The following SAMMSON variants were observed in gnomAD, a reference collection of about 807,000 sequenced individuals.
The protein encoded by SAMMSON is long intergenic non-protein coding RNA 1212.
chr3:70,166,358 A>G (rs1480635013), intron 4 of SAMMSON, among the ~76,000 whole-genome samples: 1 of 152,042 alleles, frequency 6.6e-6, no homozygotes, highest in African/African-American at 2.4e-5. Context: ...TCTAGGTTGA[A>G]GAATTGCTTC....
rs2106742732 is a variant in SAMMSON at position 70,228,824 on chromosome 3, C to G, written n.508-20283C>G. ...TATTAAGATGGATAGCTGGGTTATA[C>G]CTCAAAATTCCTTAATTCCTTTAGC... is the stretch of plus-strand genomic sequence containing the variant. On this transcript the variant is annotated intron_variant and non_coding_transcript_variant, in intron 4 of 9. Transcript: ENST00000642114. Among the ~76,000 whole-genome samples the G allele has an allele frequency of 1.3e-5, 2 of 151,754 alleles. 1 individual carries two copies. Among genetic ancestry groups the G allele is most frequent in the South Asian group, 4.2e-4 (2 of 4,812 alleles).
chr3:70,290,172 T>G (rs1193732931), intron 6 of SAMMSON, among the ~76,000 whole-genome samples: 3 of 152,200 alleles, frequency 2.0e-5, no homozygotes, highest in African/African-American at 4.8e-5. Context: ...TGTTCTGTTT[T>G]TTCCCCATCT....
chr3:70,202,574 G>A (rs538576164), intron 4 of SAMMSON, among the ~76,000 whole-genome samples: 2 of 152,214 alleles, frequency 1.3e-5, no homozygotes, highest in South Asian at 2.1e-4. Context: ...TGCTATTGAA[G>A]TGCCCACCTG....
At chr3:70,415,392 TTTGA>T (rs1163818696) in intron 2 of SAMMSON, among the ~76,000 whole-genome samples, 1 of 152,196 alleles carries the variant, frequency 6.6e-6, no homozygotes, top group East Asian at 1.9e-4. Context: ...GAAAAATGTC[TTTGA>T]TTGATTTCTG....
intron 9 of SAMMSON, among the ~76,000 whole-genome samples, chr3:70,380,722 T>C (rs1230315684): frequency 6.6e-6 from 1 of 150,742 alleles, no homozygotes; most frequent in Non-Finnish European, 1.5e-5. Flanking sequence ...GGCCCCAGTG[T>C]GTGATGTTCC....
chr3:70,286,176 C>G lies in SAMMSON; in HGVS notation n.675-5003C>G, dbSNP rs572076214. Among the ~76,000 whole-genome samples the G allele has an allele frequency of 6.6e-5, 10 of 152,134 alleles. No homozygotes were observed. The East Asian group carries it at 7.7e-4, about 12-fold the overall frequency. On this transcript the variant is annotated intron_variant and non_coding_transcript_variant, in intron 6 of 9. Transcript: ENST00000642114. ...GGTAATGCCTAGGTTTTCTTCTAGG[C>G]TTTTTATGGTTTTAGGTCTAAAGTT...
chr3:70,118,062 C>T (rs1370112051), intron 4 of SAMMSON, among the ~76,000 whole-genome samples: 1 of 152,040 alleles, frequency 6.6e-6, no homozygotes, highest in Non-Finnish European at 1.5e-5. Flanking sequence ...GGATTACAGG[C>T]ACCCCACCAC....
At chr3:70,120,014 C>G (rs1244042325) in intron 4 of SAMMSON, 1 of 152,076 alleles carries the variant, frequency 6.6e-6, no homozygotes, top group Non-Finnish European at 1.5e-5. Flanking sequence ...ACAGACAACC[C>G]CAGAACTGTA....
rs548107308 is a variant in SAMMSON, at chr3:70,070,663, C to T, written n.418-813C>T. 2.4e-3 allele frequency among the ~76,000 whole-genome samples: 362 copies of T among 151,282 alleles called. 1 individual carries two copies. Among genetic ancestry groups the T allele is most frequent in the African/African-American group, 8.5e-3 (351 of 41,392 alleles). On this transcript the variant is annotated intron_variant and non_coding_transcript_variant, in intron 3 of 9. Coordinates refer to ENST00000642114, the Ensembl canonical transcript of SAMMSON. ...AAATAAGGTTTCCATATATTTATTA[C>T]TTAAAGCTTACTTGTTAGATTTAAT...
intron 7 of SAMMSON, among the ~76,000 whole-genome samples, chr3:70,302,046 T>C (rs1480797392): frequency 6.6e-6 from 1 of 152,120 alleles, no homozygotes; most frequent in Non-Finnish European, 1.5e-5. Flanking sequence ...AAGAATTGCC[T>C]GATGTCTTAT....
intron 4 of SAMMSON, among the ~76,000 whole-genome samples, chr3:70,139,315 G>A (rs2067518258): frequency 6.6e-6 from 1 of 152,102 alleles, no homozygotes; most frequent in African/African-American, 2.4e-5. Flanking sequence ...GGGATTATAG[G>A]TATGAGCTAC....
chr3:70,392,040 C>CA (rs1241621011), downstream of SAMMSON, among the ~76,000 whole-genome samples: 2 of 152,078 alleles, frequency 1.3e-5, no homozygotes, highest in Non-Finnish European at 2.9e-5. Flanking sequence ...TTCCTGTGTC[C>CA]AACAATAGAA....
chr3:70,124,248 T>C (rs2067446498), intron 4 of SAMMSON, among the ~76,000 whole-genome samples: 1 of 152,208 alleles, frequency 6.6e-6, no homozygotes, highest in Admixed American at 6.5e-5. Flanking sequence ...TTAATGACTA[T>C]GTTTCTCTTC....
intron 1 of SAMMSON, among the ~76,000 whole-genome samples, chr3:70,010,051 A>G (rs1246162931): frequency 6.6e-6 from 1 of 152,034 alleles, no homozygotes; most frequent in Non-Finnish European, 1.5e-5. Context: ...GGAGTGCTTT[A>G]CTTCCAACTA....
At chr3:70,399,898 AAAC>A (rs1346529740) in intron 2 of SAMMSON, among the ~76,000 whole-genome samples, 2 of 151,868 alleles carry the variant, frequency 1.3e-5, no homozygotes, top group African/African-American at 4.8e-5. Flanking sequence ...CACCAAACCA[AAAC>A]AACACCAACA....
intron 7 of SAMMSON, among the ~76,000 whole-genome samples, chr3:70,300,821 T>C (rs888795729): frequency 4.6e-5 from 7 of 152,080 alleles, no homozygotes; most frequent in African/African-American, 1.4e-4. Context: ...GCCTACAGAA[T>C]GTAGAGGTTT....
At chr3:70,122,355 C>T (rs1284611344) in intron 4 of SAMMSON, among the ~76,000 whole-genome samples, 1 of 152,042 alleles carries the variant, frequency 6.6e-6, no homozygotes, top group Non-Finnish European at 1.5e-5. Context: ...CTAAGCCCAG[C>T]TAATTATTAT....
At chr3:70,433,991 C>T (rs1318025309) in intron 2 of SAMMSON, among the ~76,000 whole-genome samples, 1 of 152,134 alleles carries the variant, frequency 6.6e-6, no homozygotes, top group Non-Finnish European at 1.5e-5. Flanking sequence ...TATTCTGTTC[C>T]ATTCATCTGT....
chr3:70,359,295 A>G (rs1393812065), intron 9 of SAMMSON, among the ~76,000 whole-genome samples: 2 of 152,184 alleles, frequency 1.3e-5, no homozygotes, highest in African/African-American at 4.8e-5. Context: ...AAGAATAGAA[A>G]TAAAACTGAG....
Sources: allele counts gnomAD v4.1 joint callset (sites outside exome capture counted in the v4.1 genomes callset), GRCh38; gene constraint gnomAD v4.1.1; transcripts MANE v1.5; gene names NCBI Gene and HGNC (gene_info 2026-07-23, HGNC 2026-07-21).